Variants in DLC1 observed in about 807,000 individuals in gnomAD.
DLC1 encodes the protein rho GTPase-activating protein 7.
A neutral mutation model predicts 140.3 loss-of-function variants in DLC1; 54 were observed. That is an observed-to-expected ratio of 0.38 (90% CI 0.31 to 0.48). DLC1 has a LOEUF of 0.48. DLC1 is among the 20% of genes least tolerant of loss of function. DLC1 has a pLI of 0.96. For missense variants in DLC1, 2,536 were observed against 1,907.0 expected (o/e 1.33, Z -6.14); for synonymous variants, 986 against 728.1 (o/e 1.35, Z -5.70).
At chr8:13,254,333 G>A (rs1009908980) in intron 5 of DLC1, among the ~76,000 whole-genome samples, 2 of 152,124 alleles carry the variant, frequency 1.3e-5, no homozygotes, top group African/African-American at 4.8e-5. Context: ...CCACTCAGGG[G>A]CCGGCTGCCT....
intron 5 of DLC1, among the ~76,000 whole-genome samples, chr8:13,119,687 C>CA (rs1175663203): frequency 3.9e-5 from 6 of 152,260 alleles, no homozygotes; most frequent in African/African-American, 1.4e-4. Flanking sequence ...CGAGGTGGCT[C>CA]ACACCTGTAA....
chr8:13,128,712 G>GTAGT (rs1241612058), intron 5 of DLC1, among the ~76,000 whole-genome samples: 1 of 152,062 alleles, frequency 6.6e-6, no homozygotes, highest in Non-Finnish European at 1.5e-5. Flanking sequence ...GGCGCCTACT[G>GTAGT]TAGTCCCAGC....
At chr8:13,309,441 T>G in intron 4 of DLC1, among the ~76,000 whole-genome samples, 1 of 152,190 alleles carries the variant, frequency 6.6e-6, no homozygotes, top group Non-Finnish European at 1.5e-5. Flanking sequence ...AAGATTTTCA[T>G]TGAAGTTGGC....
intron 2 of DLC1, among the ~76,000 whole-genome samples, chr8:13,407,598 G>A (rs1292425171): frequency 6.6e-6 from 1 of 152,170 alleles, no homozygotes; most frequent in African/African-American, 2.4e-5. Flanking sequence ...TCCAAATAGT[G>A]GACGATTGGT....
At chr8:13,455,486 G>C (rs1425912143) in intron 2 of DLC1, among the ~76,000 whole-genome samples, 1 of 152,020 alleles carries the variant, frequency 6.6e-6, no homozygotes, top group Non-Finnish European at 1.5e-5. Flanking sequence ...AGACACACCT[G>C]CATCCCCAGC....
intron 5 of DLC1, among the ~76,000 whole-genome samples, chr8:13,134,595 T>G (rs1322647800): frequency 2.6e-5 from 4 of 152,194 alleles, no homozygotes; most frequent in African/African-American, 9.6e-5. Flanking sequence ...TAAAACTTAT[T>G]GGTTTCATAG....
intron 1 of DLC1, among the ~76,000 whole-genome samples, chr8:13,511,040 G>A (rs577088886): frequency 3.1e-4 from 47 of 151,216 alleles, no homozygotes; most frequent in Non-Finnish European, 3.8e-4. Flanking sequence ...ACAAATAAGT[G>A]TTGATAATTC....
chr8:13,085,674 T>C lies in DLC1; in HGVS notation c.*137A>G. 9 of 1,328,452 alleles carry C rather than the reference T, an allele frequency of 6.8e-6. No homozygotes were observed. The South Asian group carries it at 9.6e-5, about 14-fold the overall frequency. 82.3% of individuals were successfully genotyped at this position (1,328,452 alleles called of 1,614,324 possible). On this transcript the variant is annotated 3_prime_UTR_variant, in exon 18 of 18. Coordinates refer to ENST00000276297, the MANE Select transcript of DLC1 (RefSeq NM_182643.3). ...AAGCAGCTTTAAAAATGTATCAAAT[T>C]GCTATAGTCAATTCCTACACTCCAG...
intron 2 of DLC1, among the ~76,000 whole-genome samples, chr8:13,416,946 T>A (rs1201257684): frequency 1.3e-5 from 2 of 152,158 alleles, no homozygotes; most frequent in African/African-American, 4.8e-5. Flanking sequence ...ATCTGTTATG[T>A]GCCTTTGTTA....
rs930274824 is a variant in DLC1 at position 13,381,681 on chromosome 8, G to T, written c.1314+11872C>A. Among the ~76,000 whole-genome samples, 3 of 152,134 alleles carry T rather than the reference G, an allele frequency of 2.0e-5. No individual in the cohort carries two copies. The East Asian group carries it at 5.8e-4, about 29-fold the overall frequency. On this transcript the variant is annotated intron_variant, in intron 4 of 17. Transcript: ENST00000276297. ...CATGAGTATACTGTTTTGGAAATGA[G>T]CCAGTCAACCCCCAACTGCAGCCTC... is the stretch of plus-strand genomic sequence containing the variant.
intron 5 of DLC1, among the ~76,000 whole-genome samples, chr8:13,280,045 C>G (rs182975792): frequency 2.0e-4 from 30 of 151,028 alleles, no homozygotes; most frequent in African/African-American, 7.3e-4. Context: ...TTTGGGAGGC[C>G]GAGGTGCATG....
chr8:13,089,337 T>C (rs771883597), intron 15 of DLC1, among the ~76,000 whole-genome samples: 32 of 151,330 alleles, frequency 2.1e-4, no homozygotes, highest in Middle Eastern at 3.6e-3. Flanking sequence ...TAAAGAAATA[T>C]CAGTCACTGG....
intron 4 of DLC1, among the ~76,000 whole-genome samples, chr8:13,308,596 T>C (rs970969672): frequency 2.6e-5 from 4 of 152,212 alleles, no homozygotes; most frequent in African/African-American, 9.6e-5. Flanking sequence ...TTGTTAATTC[T>C]TAATTACATG....
intron 5 of DLC1, among the ~76,000 whole-genome samples, chr8:13,182,227 T>G (rs551035144): frequency 1.3e-5 from 2 of 151,064 alleles, no homozygotes; most frequent in South Asian, 4.2e-4. Context: ...TCTTTGTAGA[T>G]TCAGATGGGT....
chr8:13,402,350 G>A (rs1272354590), intron 2 of DLC1, among the ~76,000 whole-genome samples: 1 of 152,156 alleles, frequency 6.6e-6, no homozygotes, highest in Non-Finnish European at 1.5e-5. Flanking sequence ...AGTTACTTGG[G>A]CATGACTCAA....
In DLC1 at chr8:13,098,341, A is replaced by G. The variant is rs1342810514; in HGVS notation, c.3167+58T>C. On this transcript the variant is annotated intron_variant, in intron 10 of 17. Coordinates refer to ENST00000276297, the MANE Select transcript of DLC1 (RefSeq NM_182643.3). ...ATTTTTTACTGTGGGGACAACCTCA[A>G]GGAACTGACCAAAAATATCATTTTC... is the stretch of plus-strand genomic sequence containing the variant. 6.9e-6 allele frequency: 11 copies of G among 1,596,644 alleles called. 1 individual carries two copies. Among genetic ancestry groups the G allele is most frequent in the African/African-American group, 1.3e-5 (1 of 74,696 alleles).
rs745492706 is a variant in DLC1, at chr8:13,499,194, C to A, written c.878G>T (p.Gly293Val). 5 of 1,614,190 alleles carry A rather than the reference C, an allele frequency of 3.1e-6. No individual in the cohort carries two copies. The highest frequency in any genetic ancestry group is 1.3e-5 in the African/African-American group (1 of 75,056). Residue 293 changes from glycine to valine, a missense_variant, in exon 2 of 18, where the codon GGC becomes GTC. Coordinates refer to ENST00000276297, the MANE Select transcript of DLC1 (RefSeq NM_182643.3). ...SCPNGMSAEN[G>V]LEKSGFSQHQ... ...TTGTGAAAAACCACTCTTCTCCAGG[C>A]CATTTTCAGCTGACATTCCATTGGG...
Position 13,371,118 on chromosome 8 carries a change from A to G in DLC1, c.1314+22435T>C, listed in dbSNP as rs763747549. 9.2e-5 allele frequency among the ~76,000 whole-genome samples: 14 copies of G among 152,178 alleles called. No homozygotes were observed. The East Asian group carries it at 1.7e-3, about 19-fold the overall frequency. ...GCACCATCATTTTCCTAGTTGCTCA[A>G]TCTTTCTGTGGTCTTGTTTTTTTCC... On this transcript the variant is annotated intron_variant, in intron 4 of 17. Coordinates refer to ENST00000276297, the MANE Select transcript of DLC1 (RefSeq NM_182643.3).
At chr8:13,529,624 C>T (rs1254707910) in intron 1 of DLC1, among the ~76,000 whole-genome samples, 1 of 152,104 alleles carries the variant, frequency 6.6e-6, no homozygotes, top group Non-Finnish European at 1.5e-5. Flanking sequence ...TATCTAAAGA[C>T]TGATCTCTTA....
Sources: gnomAD v4.1 joint callset for allele counts (sites outside exome capture counted in the v4.1 genomes callset) on GRCh38, gnomAD v4.1.1 for gene constraint, MANE v1.5 for transcripts, NCBI Gene and HGNC (gene_info 2026-07-23, HGNC 2026-07-21) for gene names.